The following RNF166 variants were observed in gnomAD, a reference collection of about 807,000 sequenced individuals.
RNF166 encodes E3 ubiquitin-protein ligase RNF166.
A neutral mutation model predicts 29.4 loss-of-function variants in RNF166; 19 were observed. That is an observed-to-expected ratio of 0.65 (90% CI 0.45 to 0.95). The LOEUF (loss-of-function observed/expected upper bound fraction) is 0.95, where lower values mean the gene tolerates loss of function less well. Among genes scored for constraint, RNF166 ranks in the 40% least tolerant of loss-of-function variants. The probability of loss-of-function intolerance (pLI) is 0.00; values close to 1 mark genes in which losing one functional copy is unlikely to be tolerated. For missense variants in RNF166, 347 were observed against 322.1 expected (o/e 1.08, Z -0.59); for synonymous variants, 171 against 134.5 (o/e 1.27, Z -1.88).
chr16:88,701,487 G>A (rs1910226590), intron 1 of RNF166, 69 bp from the exon 2 acceptor site: 1 of 1,425,404 alleles, frequency 7.0e-7, no homozygotes. Flanking sequence ...CTTGCTCGGG[G>A]CCCTTCTTAG....
chr16:88,702,804 G>A, intron 1 of RNF166: 1 of 985,498 alleles, frequency 1.0e-6, no homozygotes, highest in African/African-American at 1.7e-5. Context: ...CGCCCCAGCA[G>A]ATATTTCCAG....
intron 2 of RNF166, chr16:88,700,973 G>A: frequency 7.7e-7 from 1 of 1,303,658 alleles, no homozygotes; most frequent in South Asian, 1.6e-5. Context: ...CAGCCCCCTG[G>A]TCCTTACCCT....
intron 1 of RNF166, chr16:88,701,634 A>T (rs1336184292): frequency 3.8e-6 from 2 of 523,152 alleles, no homozygotes; most frequent in Non-Finnish European, 6.7e-6. Flanking sequence ...GTCCCTCCTG[A>T]CAGTAGGCCC....
intron 3 of RNF166, 79 bp downstream of exon 3, chr16:88,699,541 G>T: frequency 8.7e-7 from 1 of 1,149,156 alleles, no homozygotes; most frequent in Non-Finnish European, 1.3e-6. Context: ...AGCCTCTCTG[G>T]GATGGGGCAC....
intron 2 of RNF166, chr16:88,700,454 C>T: frequency 3.7e-6 from 1 of 269,426 alleles, no homozygotes; most frequent in Non-Finnish European, 5.7e-6. Flanking sequence ...CCCAAGACCA[C>T]AGCCTGCTCA....
intron 3 of RNF166, 37 bp from the exon 4 acceptor site, chr16:88,699,122 G>C: frequency 7.3e-7 from 1 of 1,366,726 alleles, no homozygotes; most frequent in South Asian, 1.2e-5. Flanking sequence ...GCACGGCTAG[G>C]TGTCTAGGGG....
chr16:88,700,412 C>CT (rs1355830928), intron 2 of RNF166: 1 of 165,318 alleles, frequency 6.0e-6, no homozygotes, highest in Admixed American at 6.6e-5. Context: ...GAGAAGAACT[C>CT]TGAGCAGGGA....
chr16:88,703,877 C>T (rs1220386491), intron 1 of RNF166: 2 of 985,472 alleles, frequency 2.0e-6, no homozygotes, highest in Non-Finnish European at 1.2e-6. Context: ...AGGCCAGCAC[C>T]CTCAGCAAGC....
chr16:88,698,829 C>T (rs1597402800), intron 4 of RNF166, 142 bp downstream of exon 4: 3 of 716,714 alleles, frequency 4.2e-6, no homozygotes, highest in Non-Finnish European at 7.0e-6. Context: ...GCTGCTCGGG[C>T]AGCCAAGTTC....
Position 88,701,362 on chromosome 16 carries a change from A to C in RNF166, c.212T>G (p.Leu71Arg), listed in dbSNP as rs757232940. Reference sequence around the variant, plus strand: ...CTTGGGGTCGAAGGGCAGGCGGCAGAGTGGGCACAGCGGGGATGGCACCTG... The same window carrying C: ...CTTGGGGTCGAAGGGCAGGCGGCAGCGTGGGCACAGCGGGGATGGCACCTG... ...CLQVPSPLCPLCRLPFDPKKV... is the reference protein window; with the variant it reads ...CLQVPSPLCPRCRLPFDPKKV... The change falls in exon 2 of 6, where the codon CTC (leucine) becomes CGC (arginine). Residue 71 changes from leucine to arginine, a missense_variant. Coordinates refer to ENST00000312838, the MANE Select transcript of RNF166 (RefSeq NM_178841.4). 6.2e-7 allele frequency: 1 copy of C among 1,612,628 alleles called. No homozygotes were observed. Among genetic ancestry groups the C allele is most frequent in the Non-Finnish European group, 8.5e-7 (1 of 1,179,740 alleles).
chr16:88,699,223 G>C, intron 3 of RNF166, 138 bp from the exon 4 acceptor site: 1 of 697,758 alleles, frequency 1.4e-6, no homozygotes, highest in Non-Finnish European at 2.5e-6. Context: ...GGTGCCCCCC[G>C]TGCCTCTGCA....
At chr16:88,705,050 G>C (rs538875960) in intron 1 of RNF166, among the ~76,000 whole-genome samples, 1 of 152,366 alleles carries the variant, frequency 6.6e-6, no homozygotes, top group East Asian at 1.9e-4. Flanking sequence ...AAGTGAGATG[G>C]AGGAGCAGGG....
chr16:88,699,116 G>C lies in RNF166; in HGVS notation c.426-31C>G, dbSNP rs773500233. The C allele has an allele frequency of 2.1e-6, 3 of 1,437,970 alleles. No individual in the cohort carries two copies. The Middle Eastern group carries it at 5.3e-4, about 254-fold the overall frequency. 89.1% of individuals were successfully genotyped at this position (1,437,970 alleles called of 1,614,324 possible). The stretch of plus-strand genomic sequence containing the variant: ...GGGGCGGGGGTAGAGTGAGTGGCAC[G>C]GCTAGGTGTCTAGGGGCTCTGCCTC... On this transcript the variant is annotated intron_variant, in intron 3 of 5. Coordinates refer to ENST00000312838, the MANE Select transcript of RNF166 (RefSeq NM_178841.4).
intron 1 of RNF166, chr16:88,702,743 CAGAGT>C: frequency 1.0e-6 from 1 of 985,422 alleles, no homozygotes; most frequent in South Asian, 4.7e-5. Flanking sequence ...CCTTTTTCTG[CAGAGT>C]AAAGAGGTCG....
At chr16:88,703,330 G>A in intron 1 of RNF166, 1 of 985,494 alleles carries the variant, frequency 1.0e-6, no homozygotes, top group Non-Finnish European at 1.2e-6. Flanking sequence ...CCAGAGACCA[G>A]GCCGGGGCTC....
Position 88,697,493 on chromosome 16 carries a change from C to A in RNF166, c.*75G>T. 1 of 1,134,176 alleles carries A rather than the reference C, an allele frequency of 8.8e-7. No homozygotes were observed. Among genetic ancestry groups the A allele is most frequent in the South Asian group, 1.3e-5 (1 of 74,268 alleles). 70.3% of individuals were successfully genotyped at this position (1,134,176 alleles called of 1,614,324 possible). ...AGCTCAGTCCGGTGAGGTGCGCTCC[C>A]GAGCAGGTGCCAGGTGCGACACAGG... is the stretch of plus-strand genomic sequence containing the variant. On this transcript the variant is annotated 3_prime_UTR_variant, in exon 6 of 6. Coordinates refer to ENST00000312838, the MANE Select transcript of RNF166 (RefSeq NM_178841.4).
chr16:88,706,112 G>C, intron 1 of RNF166, 59 bp downstream of exon 1: 1 of 1,073,368 alleles, frequency 9.3e-7, no homozygotes, highest in Non-Finnish European at 1.1e-6. Context: ...CCGGCCTCGC[G>C]ACCCCTCCCG....
chr16:88,703,623 C>T (rs1456242106), intron 1 of RNF166: 3 of 985,418 alleles, frequency 3.0e-6, no homozygotes, highest in Non-Finnish European at 3.6e-6. Context: ...GGAGTAGTGC[C>T]CGCTTCCCCC....
chr16:88,696,511 CATTTT>C lies in RNF166; in HGVS notation c.*1052_*1056del. On this transcript the variant is annotated 3_prime_UTR_variant, in exon 6 of 6. Coordinates refer to ENST00000312838, the MANE Select transcript of RNF166 (RefSeq NM_178841.4). ...CGAGGCTGCTAGAGATGCTCTGAGA[CATTTT>C]ATTTAAACTTTTTTTTTTAAAAAAA... The C allele has an allele frequency of 2.3e-6, 1 of 429,826 alleles. No individual in the cohort carries two copies. Among genetic ancestry groups the C allele is most frequent in the Non-Finnish European group, 4.6e-6 (1 of 219,714 alleles). The allele number at this position is 429,826 out of a possible 1,614,324, so 26.6% of individuals were successfully genotyped here.
Sources: gnomAD v4.1 joint callset for allele counts (sites outside exome capture counted in the v4.1 genomes callset) on GRCh38, gnomAD v4.1.1 for gene constraint, MANE v1.5 for transcripts, NCBI Gene and HGNC (gene_info 2026-07-23, HGNC 2026-07-21) for gene names.